Variants in RGS21 observed in about 807,000 individuals in gnomAD.
RGS21 encodes the protein regulator of G protein signaling 21.
RGS21 carries 19 observed loss-of-function variants against 18.7 expected under a neutral mutation model. That is an observed-to-expected ratio of 1.01 (90% CI 0.71 to 1.49). The LOEUF (loss-of-function observed/expected upper bound fraction) is 1.49, where lower values mean the gene tolerates loss of function less well. Among genes scored for constraint, RGS21 ranks in the 40% most tolerant of loss-of-function variants. The probability of loss-of-function intolerance (pLI) is 0.00; values close to 1 mark genes in which losing one functional copy is unlikely to be tolerated. For synonymous variants in RGS21, 56 were observed against 57.8 expected, an observed-to-expected ratio of 0.97 and a Z score of 0.14; for missense variants, 194 against 176.8, an observed-to-expected ratio of 1.10 and a Z score of -0.55.
chr1:192,332,718 T>G (rs1658675582), intron 1 of RGS21, among the ~76,000 whole-genome samples: 1 of 152,156 alleles, frequency 6.6e-6, no homozygotes, highest in South Asian at 2.1e-4. Flanking sequence ...AATAAGGAGT[T>G]CATATCTACT....
chr1:192,317,977 A>G (rs1658442970), intron 1 of RGS21, among the ~76,000 whole-genome samples: 1 of 152,060 alleles, frequency 6.6e-6, no homozygotes, highest in African/African-American at 2.4e-5. Context: ...TACATGTATT[A>G]TAGTATATGT....
chr1:192,361,568 C>T (rs573268616), intron 4 of RGS21, among the ~76,000 whole-genome samples: 5 of 151,914 alleles, frequency 3.3e-5, no homozygotes, highest in South Asian at 2.1e-4. Context: ...TTTTTTTTGA[C>T]GGAGTCTCGC....
At chr1:192,321,274 C>T (rs1402545444) in intron 1 of RGS21, among the ~76,000 whole-genome samples, 2 of 151,876 alleles carry the variant, frequency 1.3e-5, no homozygotes, top group Non-Finnish European at 2.9e-5. Context: ...AGAAGAAATA[C>T]TCTTTAAAAC....
chr1:192,317,565 G>A (rs1658438582), intron 1 of RGS21, among the ~76,000 whole-genome samples: 1 of 151,832 alleles, frequency 6.6e-6, no homozygotes, highest in African/African-American at 2.4e-5. Flanking sequence ...ATACCTGAAA[G>A]TAATGAATTA....
chr1:192,346,664 C>T (rs1658947527), intron 2 of RGS21, among the ~76,000 whole-genome samples: 1 of 152,064 alleles, frequency 6.6e-6, no homozygotes, highest in Non-Finnish European at 1.5e-5. Flanking sequence ...CTTCAGAAGA[C>T]TTAAGTCTAT....
At chr1:192,351,296 G>C (rs1289079328) in intron 3 of RGS21, among the ~76,000 whole-genome samples, 2 of 152,068 alleles carry the variant, frequency 1.3e-5, no homozygotes, top group Non-Finnish European at 2.9e-5. Flanking sequence ...CAAATATGTT[G>C]CCAGTTACTT....
At chr1:192,350,922 G>A (rs955847272) in intron 3 of RGS21, among the ~76,000 whole-genome samples, 1 of 152,126 alleles carries the variant, frequency 6.6e-6, no homozygotes, top group African/African-American at 2.4e-5. Flanking sequence ...AGGAGCAAGG[G>A]ATATAAGTGT....
At chr1:192,328,380 G>A (rs1312664348) in intron 1 of RGS21, among the ~76,000 whole-genome samples, 4 of 152,164 alleles carry the variant, frequency 2.6e-5, no homozygotes, top group East Asian at 3.8e-4. Context: ...TATTTATAGA[G>A]TAAGTGCTTA....
chr1:192,352,195 A>G lies in RGS21; in HGVS notation c.237A>G (p.Glu79=). The change falls in exon 4 of 5, where the codon GAA becomes GAG. Residue 79 remains glutamate (E), a synonymous_variant. Transcript: ENST00000417209. The stretch of plus-strand genomic sequence containing the variant: ...AGATGATTTATTCTGAATTCATTGA[A>G]GCTGATGCACCTAAAGAGGTGAGTG... The part of the protein sequence containing the change: ...KAKMIYSEFI[E]ADAPKEINID... 1 of 1,607,778 alleles carries G rather than the reference A, an allele frequency of 6.2e-7. No homozygotes were observed. Among genetic ancestry groups the G allele is most frequent in the Admixed American group, 1.7e-5 (1 of 59,010 alleles).
intron 3 of RGS21, among the ~76,000 whole-genome samples, chr1:192,348,303 G>A (rs959615583): frequency 6.6e-6 from 1 of 152,104 alleles, no homozygotes; most frequent in Admixed American, 6.6e-5. Context: ...TAGGATTACA[G>A]GCATAAGCCA....
chr1:192,365,856 A>T, intron 4 of RGS21, 65 bp from the exon 5 acceptor site: 1 of 846,502 alleles, frequency 1.2e-6, no homozygotes, highest in Non-Finnish European at 1.9e-6. Flanking sequence ...TAAATAATAT[A>T]TATGTATAAA....
At chr1:192,343,140 T>TTAGCG (rs1237531108) in intron 2 of RGS21, 93 bp downstream of exon 2, 1 of 1,163,206 alleles carries the variant, frequency 8.6e-7, no homozygotes, top group African/African-American at 1.5e-5. Flanking sequence ...TTTCCTTCAT[T>TTAGCG]TATGATAAAT....
intron 1 of RGS21, among the ~76,000 whole-genome samples, chr1:192,324,349 C>G (rs1322046506): frequency 1.3e-5 from 2 of 152,014 alleles, no homozygotes; most frequent in Non-Finnish European, 2.9e-5. Context: ...TATAATTTTT[C>G]CTTGTTTAGA....
chr1:192,328,439 G>T lies in RGS21; in HGVS notation c.-61+11334G>T, dbSNP rs555978404. On this transcript the variant is annotated intron_variant, in intron 1 of 4. Transcript: ENST00000417209. ...ATTGAATTAATAATTTGTCTCTATG[G>T]TTCATTATGTTTTTCTAAGTTAAAT... is the stretch of plus-strand genomic sequence containing the variant. 9.7e-4 allele frequency among the ~76,000 whole-genome samples: 148 copies of T among 152,176 alleles called. 2 individuals are homozygous for T. Among genetic ancestry groups the T allele is most frequent in the African/African-American group, 3.3e-3 (138 of 41,536 alleles).
intron 1 of RGS21, 87 bp downstream of exon 1, chr1:192,317,192 C>T (rs1250245620): frequency 6.6e-6 from 1 of 151,856 alleles, no homozygotes; most frequent in Non-Finnish European, 1.5e-5. Flanking sequence ...AAAATGCCAA[C>T]TATTAGATTC....
chr1:192,340,332 A>C (rs2102228839), intron 1 of RGS21, among the ~76,000 whole-genome samples: 1 of 152,228 alleles, frequency 6.6e-6, no homozygotes, highest in Non-Finnish European at 1.5e-5. Flanking sequence ...TTGGCTTGCT[A>C]TATTTTCTTT....
intron 4 of RGS21, among the ~76,000 whole-genome samples, chr1:192,356,497 C>T (rs1659114572): frequency 6.6e-6 from 1 of 151,654 alleles, no homozygotes; most frequent in African/African-American, 2.4e-5. Flanking sequence ...GGCAAAGCAA[C>T]AAATGATTAA....
chr1:192,358,309 G>A lies in RGS21; in HGVS notation c.255+6096G>A, dbSNP rs562075798. 2.6e-5 allele frequency among the ~76,000 whole-genome samples: 4 copies of A among 152,016 alleles called. No homozygotes were observed. In the East Asian group the frequency reaches 7.7e-4, roughly 29 times the overall value. ...TTGTATTTCTGCCTCCAAAGCCAAT[G>A]ACAACAAAAGGATACAGTCTTATGC... On this transcript the variant is annotated intron_variant, in intron 4 of 4. Transcript: ENST00000417209.
chr1:192,349,275 T>C (rs1658999451), intron 3 of RGS21, among the ~76,000 whole-genome samples: 1 of 152,168 alleles, frequency 6.6e-6, no homozygotes, highest in Admixed American at 6.6e-5. Context: ...GATTTTATAT[T>C]TCATGCCCAC....
Sources: gnomAD v4.1 joint callset for allele counts (sites outside exome capture counted in the v4.1 genomes callset) on GRCh38, gnomAD v4.1.1 for gene constraint, MANE v1.5 for transcripts, NCBI Gene and HGNC (gene_info 2026-07-23, HGNC 2026-07-21) for gene names.